ADGRL3: variants seen among roughly 807,000 people sequenced by gnomAD.
The protein encoded by ADGRL3 is adhesion G protein-coupled receptor L3, also known as calcium-independent alpha-latrotoxin receptor 3.
A neutral mutation model predicts 153.5 loss-of-function variants in ADGRL3; 62 were observed. That is an observed-to-expected ratio of 0.40 (90% confidence interval 0.33 to 0.50). The LOEUF is 0.50. ADGRL3 is among the 20% of genes least tolerant of loss of function. ADGRL3 has a pLI of 0.47. For missense variants in ADGRL3, 1,641 were observed against 1,859.4 expected, an observed-to-expected ratio of 0.88 and a Z score of 2.16; for synonymous variants, 710 against 672.5, an observed-to-expected ratio of 1.06 and a Z score of -0.86.
intron 2 of ADGRL3, among the ~76,000 whole-genome samples, chr4:61,457,191 A>T (rs770796253): frequency 4.6e-5 from 7 of 152,022 alleles, no homozygotes; most frequent in Non-Finnish European, 7.4e-5. Flanking sequence ...CCAATTTAAT[A>T]CTTTTTTAAC....
chr4:61,889,410 T>C (rs906421338), intron 9 of ADGRL3, among the ~76,000 whole-genome samples: 2 of 151,980 alleles, frequency 1.3e-5, no homozygotes, highest in Admixed American at 6.6e-5. Flanking sequence ...TTATAATGAG[T>C]TGGAGAGAGA....
At chr4:62,061,533 A>G (rs985264522) in intron 25 of ADGRL3, among the ~76,000 whole-genome samples, 2 of 151,974 alleles carry the variant, frequency 1.3e-5, no homozygotes, top group Non-Finnish European at 2.9e-5. Flanking sequence ...TTACACCATC[A>G]TAGTGAAGAT....
At chr4:61,862,171 C>A (rs1224572122) in intron 9 of ADGRL3, among the ~76,000 whole-genome samples, 2 of 152,138 alleles carry the variant, frequency 1.3e-5, no homozygotes, top group Non-Finnish European at 2.9e-5. Context: ...TTCCCCATGA[C>A]TTAGGGGGTT....
rs560319184 is a variant in ADGRL3, at chr4:61,787,117, A to G, written c.1400-26692A>G. Among the ~76,000 whole-genome samples, 3 of 152,314 alleles carry G rather than the reference A, an allele frequency of 2.0e-5. No individual in the cohort carries two copies. In the South Asian group the frequency reaches 6.2e-4, roughly 32 times the overall value. ...GTTGCTAGAAGCAACGGGAAAAGAT[A>G]AAAGGATTCCTCTTATATTCTATAA... is the stretch of plus-strand genomic sequence containing the variant. On this transcript the variant is annotated intron_variant, in intron 8 of 26. Coordinates refer to ENST00000683033, the MANE Select transcript of ADGRL3 (RefSeq NM_001387552.1).
At chr4:61,383,418 T>G (rs1578558187) in intron 2 of ADGRL3, among the ~76,000 whole-genome samples, 2 of 151,752 alleles carry the variant, frequency 1.3e-5, no homozygotes, top group East Asian at 3.9e-4. Flanking sequence ...GTGATCTAAT[T>G]AAAAATATTG....
At chr4:61,702,648 A>G (rs975934146) in intron 6 of ADGRL3, among the ~76,000 whole-genome samples, 6 of 152,152 alleles carry the variant, frequency 3.9e-5, no homozygotes, top group East Asian at 3.9e-4. Context: ...TGATCAGTGT[A>G]AGGAAAAGAA....
chr4:61,905,606 A>G (rs2098691646), intron 11 of ADGRL3, among the ~76,000 whole-genome samples: 1 of 152,088 alleles, frequency 6.6e-6, no homozygotes, highest in Admixed American at 6.6e-5. Context: ...GAATTTCTCG[A>G]AAGTTGGGCC....
chr4:61,475,332 A>T (rs933531134), intron 2 of ADGRL3, among the ~76,000 whole-genome samples: 2 of 152,222 alleles, frequency 1.3e-5, no homozygotes, highest in Non-Finnish European at 2.9e-5. Context: ...CCACTATGTT[A>T]GCTCAGCCAA....
Position 61,915,291 on chromosome 4 carries a change from T to C in ADGRL3, c.2112+2534T>C, listed in dbSNP as rs187233940. 3.0e-4 allele frequency among the ~76,000 whole-genome samples: 44 copies of C among 148,322 alleles called. No homozygotes were observed. The East Asian group carries it at 8.4e-3, about 28-fold the overall frequency. The stretch of plus-strand genomic sequence containing the variant: ...ATCTGTATATATAAATATATATCAA[T>C]ATATATCTGTATATATAAATATATA... On this transcript the variant is annotated intron_variant, in intron 13 of 26. Coordinates refer to ENST00000683033, the MANE Select transcript of ADGRL3 (RefSeq NM_001387552.1).
At chr4:62,053,478 CT>C in intron 25 of ADGRL3, among the ~76,000 whole-genome samples, 1 of 151,560 alleles carries the variant, frequency 6.6e-6, no homozygotes, top group African/African-American at 2.4e-5. Context: ...AATGTGGCCG[CT>C]TCAGAATGTA....
chr4:61,329,143 G>A (rs1367807957), intron 1 of ADGRL3, among the ~76,000 whole-genome samples: 1 of 152,092 alleles, frequency 6.6e-6, no homozygotes, highest in Non-Finnish European at 1.5e-5. Context: ...TAGATGAAAG[G>A]ATGCGTATTT....
At chr4:61,258,588 G>A (rs72633458) in intron 1 of ADGRL3, among the ~76,000 whole-genome samples, 19,191 of 152,180 alleles carry the variant, frequency 0.13, 1,327 homozygotes, top group Middle Eastern at 0.18. Context: ...AGGCACATAC[G>A]AAGTTCTCAG....
At chr4:61,512,045 A>G (rs962527822) in intron 3 of ADGRL3, among the ~76,000 whole-genome samples, 2 of 152,170 alleles carry the variant, frequency 1.3e-5, no homozygotes, top group African/African-American at 4.8e-5. Context: ...AGCAGGATTG[A>G]AAATGTGCCT....
rs114534989 is a variant in ADGRL3 at position 61,274,229 on chromosome 4, G to A, written c.-240+72464G>A. On this transcript the variant is annotated intron_variant, in intron 1 of 26. Transcript: ENST00000683033. Reference sequence around the variant, plus strand: ...CATGAATAGTCTTTTTCTACCTTTCGTCATGAAGAATCTCTAACAGTTTAA... The same window carrying A: ...CATGAATAGTCTTTTTCTACCTTTCATCATGAAGAATCTCTAACAGTTTAA... 7.8e-3 allele frequency among the ~76,000 whole-genome samples: 1,192 copies of A among 152,252 alleles called. 16 individuals are homozygous for A. Among genetic ancestry groups the A allele is most frequent in the African/African-American group, 0.028 (1,149 of 41,556 alleles).
At chr4:61,320,801 A>C (rs1468612773) in intron 1 of ADGRL3, among the ~76,000 whole-genome samples, 2 of 152,198 alleles carry the variant, frequency 1.3e-5, no homozygotes, top group African/African-American at 4.8e-5. Flanking sequence ...GCCTAAAACA[A>C]CACAAATTTA....
At chr4:61,687,922 AAACTT>A (rs2095475303) in intron 6 of ADGRL3, among the ~76,000 whole-genome samples, 1 of 152,022 alleles carries the variant, frequency 6.6e-6, no homozygotes, top group Non-Finnish European at 1.5e-5. Context: ...TATTTCATGA[AAACTT>A]AATTATATTG....
intron 1 of ADGRL3, among the ~76,000 whole-genome samples, chr4:61,369,455 G>C (rs2096476852): frequency 6.6e-6 from 1 of 152,142 alleles, no homozygotes; most frequent in Admixed American, 6.6e-5. Flanking sequence ...GTTGAATTTT[G>C]TCAAAGGCCT....
intron 1 of ADGRL3, among the ~76,000 whole-genome samples, chr4:61,377,940 A>T (rs1009586981): frequency 1.3e-5 from 2 of 151,868 alleles, no homozygotes; most frequent in Non-Finnish European, 2.9e-5. Flanking sequence ...TTGTGATTTC[A>T]TCTTTGACCC....
At chr4:61,716,337 G>A (rs924289808) in intron 6 of ADGRL3, among the ~76,000 whole-genome samples, 3 of 151,982 alleles carry the variant, frequency 2.0e-5, no homozygotes, top group African/African-American at 7.2e-5. Flanking sequence ...CTATTCAACT[G>A]CCATTTATTA....
Sources: allele counts gnomAD v4.1 joint callset (sites outside exome capture counted in the v4.1 genomes callset), GRCh38; gene constraint gnomAD v4.1.1; transcripts MANE v1.5; gene names NCBI Gene and HGNC (gene_info 2026-07-23, HGNC 2026-07-21).